PDLIM4: variants seen among roughly 807,000 people sequenced by gnomAD.
PDLIM4 encodes the protein PDZ and LIM domain 4.
A neutral mutation model predicts 31.3 loss-of-function variants in PDLIM4; 19 were observed. That is an observed-to-expected ratio of 0.61 (90% CI 0.42 to 0.89). PDLIM4 has a LOEUF of 0.89. Ranked by LOEUF, PDLIM4 falls within the 40% of genes least tolerant of loss-of-function variation. PDLIM4 has a pLI of 0.00. For missense variants in PDLIM4, 442 were observed against 461.1 expected (o/e 0.96, Z 0.38); for synonymous variants, 176 against 190.1 (o/e 0.93, Z 0.61).
At chr5:132,259,219 G>A (rs967477803) in intron 1 of PDLIM4, among the ~76,000 whole-genome samples, 31 of 151,838 alleles carry the variant, frequency 2.0e-4, no homozygotes, top group Non-Finnish European at 4.4e-4. Flanking sequence ...CCGCTGAGGG[G>A]GCTGGTGGGG....
intron 1 of PDLIM4, among the ~76,000 whole-genome samples, chr5:132,260,289 T>C (rs530939886): frequency 6.6e-5 from 10 of 152,212 alleles, no homozygotes; most frequent in Non-Finnish European, 1.2e-4. Flanking sequence ...TCACTGTTCC[T>C]GTCTCTGTTC....
intron 2 of PDLIM4, among the ~76,000 whole-genome samples, chr5:132,264,069 C>G (rs997425641): frequency 6.6e-6 from 1 of 152,200 alleles, no homozygotes; most frequent in Non-Finnish European, 1.5e-5. Context: ...GGGATCCTGG[C>G]CCCTGACTCA....
chr5:132,267,331 G>T (rs934838940), intron 3 of PDLIM4, among the ~76,000 whole-genome samples: 2 of 152,214 alleles, frequency 1.3e-5, no homozygotes, highest in African/African-American at 4.8e-5. Context: ...GCAGGGAGAG[G>T]CTTCACTGAA....
At chr5:132,270,218 T>A (rs1301658543) in intron 3 of PDLIM4, among the ~76,000 whole-genome samples, 1 of 152,202 alleles carries the variant, frequency 6.6e-6, no homozygotes, top group African/African-American at 2.4e-5. Flanking sequence ...GGCACCAGGC[T>A]GGCTGTGGGG....
At position 132,257,708 on chromosome 5, in the gene PDLIM4, A is replaced by T; in HGVS notation, c.-27A>T. On this transcript the variant is annotated 5_prime_UTR_variant, in exon 1 of 7. Coordinates refer to ENST00000253754, the MANE Select transcript of PDLIM4 (RefSeq NM_003687.4). This position sits in a 1 kb window ranked among gnomAD's most constrained non-coding sequence, Gnocchi z 4.3. ...GCGGCTCCTCCTCAGAGTCCGGCTC[A>T]GGCTCCGGCTGCGGCTCCAGCCCGC... 2.1e-6 allele frequency: 3 copies of T among 1,406,256 alleles called. No individual in the cohort carries two copies. The highest frequency in any genetic ancestry group is 2.8e-6 in the Non-Finnish European group (3 of 1,063,564). The allele number at this position is 1,406,256 out of a possible 1,614,324, so 87.1% of individuals were successfully genotyped here. A position where few individuals can be genotyped will look rare whatever the true frequency, so the allele number is the denominator to read the frequency against.
Position 132,272,468 on chromosome 5 carries a change from GGGGCCACAGCCT to G in PDLIM4, c.*243_*254del. The G allele has an allele frequency of 1.8e-6, 1 of 561,620 alleles. No homozygotes were observed. 34.8% of individuals were successfully genotyped at this position (561,620 alleles called of 1,614,324 possible). Reference sequence around the variant, plus strand: ...GGACGGGTACCATGCTGCCCTGAAGGGGGCCACAGCCTGGGTGGAAGGCAGACCTGAATCACA... The same window carrying G: ...GGACGGGTACCATGCTGCCCTGAAGGGGGTGGAAGGCAGACCTGAATCACA... On this transcript the variant is annotated 3_prime_UTR_variant, in exon 7 of 7. Coordinates refer to ENST00000253754, the MANE Select transcript of PDLIM4 (RefSeq NM_003687.4).
intron 1 of PDLIM4, among the ~76,000 whole-genome samples, chr5:132,258,744 T>C (rs1361043119): frequency 6.6e-6 from 1 of 152,232 alleles, no homozygotes. Context: ...GCCCTGCCCT[T>C]GGCGGCTCTC....
At chr5:132,262,988 G>A (rs1024150705) in intron 2 of PDLIM4, among the ~76,000 whole-genome samples, 6 of 152,234 alleles carry the variant, frequency 3.9e-5, no homozygotes, top group African/African-American at 1.2e-4. Flanking sequence ...GACTAGAAGT[G>A]TGTTGGGGCA....
rs757982030 is a variant in PDLIM4 at position 132,272,273 on chromosome 5, G to A, written c.*44G>A. 8.0e-6 allele frequency: 12 copies of A among 1,503,846 alleles called. No individual in the cohort carries two copies. Among genetic ancestry groups the A allele is most frequent in the Middle Eastern group, 1.7e-4 (1 of 5,886 alleles). The allele number at this position is 1,503,846 out of a possible 1,614,324, so 93.2% of individuals were successfully genotyped here. A position where few individuals can be genotyped will look rare whatever the true frequency, so the allele number is the denominator to read the frequency against. ...CGCCTGCTTCTTAAGGTCCCTGCTC[G>A]GCCGGTGTAAATATGTTTCACCCTG... On this transcript the variant is annotated 3_prime_UTR_variant, in exon 7 of 7. Coordinates refer to ENST00000253754, the MANE Select transcript of PDLIM4 (RefSeq NM_003687.4).
At chr5:132,259,483 T>C (rs1756327464) in intron 1 of PDLIM4, among the ~76,000 whole-genome samples, 1 of 152,038 alleles carries the variant, frequency 6.6e-6, no homozygotes, top group Admixed American at 6.5e-5. Flanking sequence ...AGAGCCTCCT[T>C]TGTCCCCCAA....
chr5:132,263,506 G>A (rs1756420550), intron 2 of PDLIM4, among the ~76,000 whole-genome samples: 2 of 152,116 alleles, frequency 1.3e-5, no homozygotes, highest in South Asian at 2.1e-4. Flanking sequence ...AAGGTCCACT[G>A]GGGGTGGGGG....
intron 3 of PDLIM4, among the ~76,000 whole-genome samples, chr5:132,268,173 G>A (rs1355302447): frequency 6.6e-6 from 1 of 152,194 alleles, no homozygotes; most frequent in Non-Finnish European, 1.5e-5. Context: ...GGAGAAGGAG[G>A]GAGTTTCCAC....
At chr5:132,266,366 G>T (rs1047157274) in intron 2 of PDLIM4, 98 bp from the exon 3 acceptor site, 5 of 739,456 alleles carry the variant, frequency 6.8e-6, no homozygotes, top group Non-Finnish European at 9.6e-6. Context: ...TCTTCTACCT[G>T]CAGGGCACAG....
intron 3 of PDLIM4, among the ~76,000 whole-genome samples, chr5:132,269,715 C>CT (rs1756564993): frequency 6.6e-6 from 1 of 152,178 alleles, no homozygotes; most frequent in Non-Finnish European, 1.5e-5. Context: ...GGCATCCTTT[C>CT]CTGTCCACAC....
chr5:132,259,388 G>GGCA (rs1226276969), intron 1 of PDLIM4, among the ~76,000 whole-genome samples: 1 of 152,074 alleles, frequency 6.6e-6, no homozygotes, highest in Non-Finnish European at 1.5e-5. Context: ...CTGCGGCTGC[G>GGCA]GCAGCAGCAG....
rs763030938 is a variant in PDLIM4, at chr5:132,272,018, C to T, written c.789-7C>T. 1 of 1,613,568 alleles carries T rather than the reference C, an allele frequency of 6.2e-7. No homozygotes were observed. The highest frequency in any genetic ancestry group is 8.5e-7 in the Non-Finnish European group (1 of 1,179,538). On this transcript the variant is annotated splice_polypyrimidine_tract_variant and splice_region_variant and intron_variant, in intron 6 of 6. Coordinates refer to ENST00000253754, the MANE Select transcript of PDLIM4 (RefSeq NM_003687.4). ...TCGACGCTGTCCTGTCTCGTTCCCC[C>T]CATCAGGGGCACCATCGTCAAGGCA... is the stretch of plus-strand genomic sequence containing the variant.
In PDLIM4 at chr5:132,272,160, G is replaced by C. The variant is rs1140552; in HGVS notation, c.924G>C (p.Ala308=). ...ERLYCESHAK[A]RVKPPEGYDV... Reference sequence around the variant, plus strand: ...TCTACTGTGAGAGCCACGCCAAGGCGCGCGTGAAGCCGCCCGAGGGCTACG... The same window carrying C: ...TCTACTGTGAGAGCCACGCCAAGGCCCGCGTGAAGCCGCCCGAGGGCTACG... The change falls in exon 7 of 7, where the codon GCG becomes GCC. Residue 308 remains alanine (A), a synonymous_variant. Transcript: ENST00000253754. 9 of 1,614,254 alleles carry C rather than the reference G, an allele frequency of 5.6e-6. No homozygotes were observed. In the South Asian group the frequency reaches 9.9e-5, roughly 18 times the overall value.
intron 3 of PDLIM4, among the ~76,000 whole-genome samples, chr5:132,269,517 GGCA>G (rs1157448069): frequency 1.3e-5 from 2 of 151,428 alleles, no homozygotes; most frequent in Non-Finnish European, 2.9e-5. Context: ...GGGCCACCTG[GGCA>G]GCAAGACCCT....
intron 3 of PDLIM4, among the ~76,000 whole-genome samples, chr5:132,270,042 TG>T (rs1172747006): frequency 6.6e-6 from 1 of 152,216 alleles, no homozygotes; most frequent in Non-Finnish European, 1.5e-5. Context: ...TACATTGCTG[TG>T]GGGTGCTTGT....
Sources: gnomAD v4.1 joint callset for allele counts (sites outside exome capture counted in the v4.1 genomes callset) on GRCh38, gnomAD v4.1.1 for gene constraint, Gnocchi (gnomAD v3.1) non-coding constraint, MANE v1.5 for transcripts, NCBI Gene and HGNC (gene_info 2026-07-23, HGNC 2026-07-21) for gene names.